IPCEF1: variants seen among roughly 807,000 people sequenced by gnomAD.
IPCEF1 encodes interactor protein for cytohesin exchange factors 1.
Under a neutral mutation model 50.9 loss-of-function variants are expected in IPCEF1, and 31 were observed. That is an observed-to-expected ratio of 0.61 (90% CI 0.46 to 0.82). The LOEUF (loss-of-function observed/expected upper bound fraction) is 0.82. IPCEF1 is among the 40% of genes least tolerant of loss of function. The probability of loss-of-function intolerance (pLI) is 0.00; values close to 1 mark genes in which losing one functional copy is unlikely to be tolerated. For missense variants in IPCEF1, 458 were observed against 514.0 expected (o/e 0.89, Z 1.05); for synonymous variants, 181 against 192.0 (o/e 0.94, Z 0.47).
intron 2 of IPCEF1, among the ~76,000 whole-genome samples, chr6:154,268,557 C>T (rs939812925): frequency 1.3e-5 from 2 of 152,150 alleles, no homozygotes; most frequent in African/African-American, 4.8e-5. Context: ...TTCTCTCTGG[C>T]CCAGTGATTT....
At chr6:154,334,044 G>A (rs752923322) in intron 1 of IPCEF1, among the ~76,000 whole-genome samples, 11 of 152,218 alleles carry the variant, frequency 7.2e-5, no homozygotes, top group Non-Finnish European at 1.3e-4. Flanking sequence ...AACACATGGC[G>A]TAGCTTCATT....
chr6:154,301,543 C>T (rs1431510726), intron 1 of IPCEF1, among the ~76,000 whole-genome samples: 1 of 152,190 alleles, frequency 6.6e-6, no homozygotes, highest in Non-Finnish European at 1.5e-5. Flanking sequence ...ACACTTAAAT[C>T]CAACTGGCTG....
intron 1 of IPCEF1, among the ~76,000 whole-genome samples, chr6:154,343,445 G>A (rs1237767908): frequency 6.6e-6 from 1 of 152,100 alleles, no homozygotes. Flanking sequence ...CATTTTATTA[G>A]GTGCAATACA....
chr6:154,344,654 G>A (rs1031715594), intron 1 of IPCEF1, among the ~76,000 whole-genome samples: 1 of 152,148 alleles, frequency 6.6e-6, no homozygotes, highest in African/African-American at 2.4e-5. Context: ...TACCATCACA[G>A]ATGGCGCCAG....
chr6:154,291,965 G>C (rs1422519979), intron 1 of IPCEF1, among the ~76,000 whole-genome samples: 1 of 152,138 alleles, frequency 6.6e-6, no homozygotes, highest in Non-Finnish European at 1.5e-5. Flanking sequence ...TTACAGGCTT[G>C]AGCCATCGCG....
chr6:154,248,306 C>CGTGTGTGTGTGTGT (rs58415100), intron 3 of IPCEF1, among the ~76,000 whole-genome samples: 265 of 147,342 alleles, frequency 1.8e-3, no homozygotes, highest in African/African-American at 2.2e-3. Context: ...CTTTAAAATA[C>CGTGTGTGTGTGTGT]GTGTGTGTGT....
intron 9 of IPCEF1, among the ~76,000 whole-genome samples, chr6:154,207,618 G>T (rs530453952): frequency 6.6e-6 from 1 of 152,144 alleles, no homozygotes; most frequent in South Asian, 2.1e-4. Flanking sequence ...GCCCAGGCTG[G>T]TCTTGAACTC....
chr6:154,183,793 G>A (rs924388480), intron 10 of IPCEF1, among the ~76,000 whole-genome samples: 1 of 152,062 alleles, frequency 6.6e-6, no homozygotes, highest in Non-Finnish European at 1.5e-5. Flanking sequence ...GGGAGGCTGA[G>A]GTGGGAGAAT....
chr6:154,180,386 C>CTATATATATATATATATA (rs58975780), intron 10 of IPCEF1, among the ~76,000 whole-genome samples: 12 of 88,308 alleles, frequency 1.4e-4, no homozygotes, highest in Non-Finnish European at 2.6e-4. Context: ...ACAACAACAA[C>CTATATATATATATATATA]TATATATATA....
At position 154,162,527 on chromosome 6, in the gene IPCEF1, GAC is replaced by G. The variant is rs1799107914; in HGVS notation, c.1105-2489_1105-2488del. Among the ~76,000 whole-genome samples, 5 of 152,116 alleles carry G rather than the reference GAC, an allele frequency of 3.3e-5. No individual in the cohort carries two copies. In the South Asian group the frequency reaches 1.0e-3, roughly 32 times the overall value. On this transcript the variant is annotated intron_variant, in intron 11 of 11. Transcript: ENST00000367220. ...TTTATCAGCAGCACCTAAAACAATT[GAC>G]TACTCCTCCTTCTTGAACAGTTTCA...
intron 11 of IPCEF1, among the ~76,000 whole-genome samples, chr6:154,162,743 C>T (rs1301538776): frequency 6.6e-6 from 1 of 152,164 alleles, no homozygotes; most frequent in Non-Finnish European, 1.5e-5. Flanking sequence ...AAATCTCTCC[C>T]ACTCTCCTAT....
At chr6:154,197,439 T>G (rs1776704478) in intron 10 of IPCEF1, among the ~76,000 whole-genome samples, 1 of 152,200 alleles carries the variant, frequency 6.6e-6, no homozygotes, top group African/African-American at 2.4e-5. Flanking sequence ...CAGCAAAAAT[T>G]CTGTAGCATA....
At chr6:154,270,253 T>C (rs995083755) in intron 2 of IPCEF1, among the ~76,000 whole-genome samples, 7 of 152,240 alleles carry the variant, frequency 4.6e-5, no homozygotes, top group African/African-American at 1.7e-4. Flanking sequence ...ATTTGAATTG[T>C]CTATGGATTA....
intron 1 of IPCEF1, among the ~76,000 whole-genome samples, chr6:154,316,466 C>T (rs910320187): frequency 7.9e-5 from 12 of 152,090 alleles, no homozygotes; most frequent in Non-Finnish European, 5.9e-5. Context: ...CTGTCATTTG[C>T]AACAACATGA....
At chr6:154,250,252 TAAAA>T (rs75500632) in intron 3 of IPCEF1, among the ~76,000 whole-genome samples, 1 of 125,358 alleles carries the variant, frequency 8.0e-6, no homozygotes. Flanking sequence ...GCTAGGTAAG[TAAAA>T]AAAAAAAAAA....
chr6:154,226,960 G>A (rs937047136), intron 5 of IPCEF1, among the ~76,000 whole-genome samples: 2 of 152,206 alleles, frequency 1.3e-5, no homozygotes, highest in Non-Finnish European at 2.9e-5. Context: ...ACTTTGGGAG[G>A]CCAAGGTGGG....
chr6:154,263,256 T>A (rs1482345106), intron 3 of IPCEF1, among the ~76,000 whole-genome samples: 1 of 151,390 alleles, frequency 6.6e-6, no homozygotes, highest in Non-Finnish European at 1.5e-5. Context: ...TATTTATTTA[T>A]TTTTTTTAAT....
Position 154,193,334 on chromosome 6 carries a change from G to A in IPCEF1, c.910+6334C>T, listed in dbSNP as rs530889913. On this transcript the variant is annotated intron_variant, in intron 10 of 11. Coordinates refer to ENST00000367220, the MANE Select transcript of IPCEF1 (RefSeq NM_001130700.2). ...CTAAGCTATGAGGATGCAAAGGCAC[G>A]ATAAAATAGACTTTGGGGACTCGGG... Among the ~76,000 whole-genome samples the A allele has an allele frequency of 7.2e-5, 11 of 152,218 alleles. No individual in the cohort carries two copies. The South Asian group carries it at 8.3e-4, about 11-fold the overall frequency.
intron 9 of IPCEF1, among the ~76,000 whole-genome samples, chr6:154,205,589 C>CT (rs1177265878): frequency 6.6e-6 from 1 of 152,126 alleles, no homozygotes; most frequent in Non-Finnish European, 1.5e-5. Flanking sequence ...GAGTAAGACT[C>CT]TGTTTCAAAA....
Sources: gnomAD v4.1 joint callset for allele counts (sites outside exome capture counted in the v4.1 genomes callset) on GRCh38, gnomAD v4.1.1 for gene constraint, MANE v1.5 for transcripts, NCBI Gene and HGNC (gene_info 2026-07-23, HGNC 2026-07-21) for gene names.